POLI: variants seen among roughly 807,000 people sequenced by gnomAD.
The protein encoded by POLI is RAD30 homolog B.
POLI carries 58 observed loss-of-function variants against 51.6 expected under a neutral mutation model. The observed-to-expected ratio is 1.12, with a 90% CI of 0.91 to 1.40. POLI has a LOEUF of 1.40. POLI is among the 40% of genes most tolerant of loss of function. The pLI is 0.00. For missense variants in POLI, 921 were observed against 871.3 expected (o/e 1.06, Z -0.72); for synonymous variants, 322 against 299.7 (o/e 1.07, Z -0.77).
intron 3 of POLI, among the ~76,000 whole-genome samples, chr18:54,277,347 C>G (rs767292391): frequency 1.1e-4 from 16 of 152,098 alleles, no homozygotes; most frequent in Non-Finnish European, 1.9e-4. Context: ...TCCTGAGCAG[C>G]CTATAGTTTA....
Position 54,315,946 on chromosome 18 carries a change from T to C in POLI, c.334-4327T>C, listed in dbSNP as rs190804140. 3.5e-4 allele frequency among the ~76,000 whole-genome samples: 53 copies of C among 152,092 alleles called. 1 individual carries two copies. ...ATTTTTTTTTTTTGAGACAGGGTCT[T>C]CCTTTGTTGCCTAGACTGGAATGCA... is the stretch of plus-strand genomic sequence containing the variant. On this transcript the variant is annotated intron_variant, in intron 3 of 4. Coordinates refer to the POLI transcript ENST00000579823.
At chr18:54,288,196 A>G (rs1037636334) in intron 8 of POLI, among the ~76,000 whole-genome samples, 6 of 152,144 alleles carry the variant, frequency 3.9e-5, no homozygotes, top group Admixed American at 1.3e-4. Context: ...CAATATTTGT[A>G]TTATCAGTCT....
rs1263375549 is a variant in POLI, at chr18:54,297,585, T to G, written c.*3118T>G. 7.2e-6 allele frequency: 7 copies of G among 978,398 alleles called. No homozygotes were observed. The highest frequency in any genetic ancestry group is 7.3e-6 in the Non-Finnish European group (6 of 823,928). 60.6% of individuals were successfully genotyped at this position (978,398 alleles called of 1,614,324 possible). ...TTTTTAATATATTTCTTTTTCTATG[T>G]TGTGCTTCTTTCCCACCTTTATCTC... On this transcript the variant is annotated 3_prime_UTR_variant, in exon 10 of 10. Transcript: ENST00000579534.
chr18:54,280,336 G>C (rs1568125536), intron 4 of POLI, among the ~76,000 whole-genome samples: 1 of 152,134 alleles, frequency 6.6e-6, no homozygotes, highest in African/African-American at 2.4e-5. Flanking sequence ...CAAGGGCTGG[G>C]GGAGGTGCCA....
intron 4 of POLI, among the ~76,000 whole-genome samples, chr18:54,278,736 C>G (rs1402946473): frequency 1.5e-4 from 23 of 152,168 alleles, no homozygotes; most frequent in Admixed American, 1.5e-3. Flanking sequence ...CAGTAAGCAC[C>G]AGTGAATATC....
chr18:54,280,771 G>A lies in POLI; in HGVS notation c.664G>A (p.Ala222Thr), dbSNP rs766626634. ...TAATCAGTTGGGGCTCACTGGCTGT[G>A]CTGGAGTGGCTTCTAATAAACTGTT... ...MYNQLGLTGCAGVASNKLLAK... is the reference protein window; with the variant it reads ...MYNQLGLTGCTGVASNKLLAK... Residue 222 changes from alanine (A) to threonine (T), a missense_variant, in exon 5 of 10, where the codon GCT (alanine) becomes ACT (threonine). By Grantham distance (58) the Ala-to-Thr change is moderately conservative (BLOSUM62 0). Transcript: ENST00000579534. 1 of 1,613,728 alleles carries A rather than the reference G, an allele frequency of 6.2e-7. No homozygotes were observed. Among genetic ancestry groups the A allele is most frequent in the Non-Finnish European group, 8.5e-7 (1 of 1,179,670 alleles).
Position 54,294,662 on chromosome 18 carries a change from T to C in POLI, c.*195T>C. 1 of 1,236,378 alleles carries C rather than the reference T, an allele frequency of 8.1e-7. No individual in the cohort carries two copies. Among genetic ancestry groups the C allele is most frequent in the Non-Finnish European group, 1.0e-6 (1 of 986,264 alleles). The allele number at this position is 1,236,378 out of a possible 1,614,324, so 76.6% of individuals were successfully genotyped here. ...ATATAACAGAAGAAATAATGTAAAA[T>C]ACTATCTTTTATGTCTAAAGCCATT... is the stretch of plus-strand genomic sequence containing the variant. On this transcript the variant is annotated 3_prime_UTR_variant, in exon 10 of 10. Coordinates refer to ENST00000579534, the MANE Select transcript of POLI (RefSeq NM_007195.3).
At chr18:54,277,886 A>G (rs1371081929) in intron 4 of POLI, 31 bp downstream of exon 4, 1 of 1,508,048 alleles carries the variant, frequency 6.6e-7, no homozygotes, top group South Asian at 1.2e-5. Flanking sequence ...TCTACCTACT[A>G]ACCAAAAGTA....
chr18:54,273,842 T>C (rs1266798773), intron 2 of POLI, 84 bp from the exon 3 acceptor site: 1 of 723,940 alleles, frequency 1.4e-6, no homozygotes, highest in African/African-American at 1.8e-5. Context: ...TCTTACAATT[T>C]AGACAAATGT....
chr18:54,295,015 A>G lies in POLI; in HGVS notation c.*548A>G, dbSNP rs1267156261. ...ATGCTTCTTCATACACCAAGAATCT[A>G]CCACAATACACAGCACACAAAGGCC... On this transcript the variant is annotated 3_prime_UTR_variant, in exon 10 of 10. Coordinates refer to ENST00000579534, the MANE Select transcript of POLI (RefSeq NM_007195.3). 1 of 985,212 alleles carries G rather than the reference A, an allele frequency of 1.0e-6. No homozygotes were observed. The highest frequency in any genetic ancestry group is 4.7e-5 in the South Asian group (1 of 21,296). 61.0% of individuals were successfully genotyped at this position (985,212 alleles called of 1,614,324 possible).
chr18:54,292,091 T>C (rs1194247274), intron 9 of POLI, 53 bp downstream of exon 9: 3 of 1,066,866 alleles, frequency 2.8e-6, no homozygotes, highest in Non-Finnish European at 4.2e-6. Flanking sequence ...ATGGGATTTG[T>C]GTGGTTACAT....
chr18:54,270,997 T>C (rs552058194), intron 1 of POLI: 28 of 159,394 alleles, frequency 1.8e-4, no homozygotes, highest in Non-Finnish European at 3.3e-4. Flanking sequence ...ATTTTCAAGC[T>C]GTGTGAAAAT....
At position 54,296,945 on chromosome 18, in the gene POLI, C is replaced by T; in HGVS notation, c.*2478C>T. 1 of 979,500 alleles carries T rather than the reference C, an allele frequency of 1.0e-6. No individual in the cohort carries two copies. Among genetic ancestry groups the T allele is most frequent in the Non-Finnish European group, 1.2e-6 (1 of 824,736 alleles). The allele number at this position is 979,500 out of a possible 1,614,324, so 60.7% of individuals were successfully genotyped here. On this transcript the variant is annotated 3_prime_UTR_variant, in exon 10 of 10. Transcript: ENST00000579534. ...AGGTTATTATTGCATATCATTGTGA[C>T]TTATTTCCTTGAGTATGTGTTAATC... is the stretch of plus-strand genomic sequence containing the variant.
At chr18:54,311,173 C>G in intron 3 of POLI, 3 of 848,904 alleles carry the variant, frequency 3.5e-6, no homozygotes, top group Non-Finnish European at 4.3e-6. Flanking sequence ...AAGTTACTGA[C>G]AATTGTAACC....
intron 2 of POLI, among the ~76,000 whole-genome samples, chr18:54,273,302 C>G (rs866449491): frequency 8.0e-5 from 12 of 150,262 alleles, no homozygotes; most frequent in Non-Finnish European, 1.6e-4. Context: ...TTTTATATTG[C>G]TTTATATTAG....
chr18:54,294,397 A>C lies in POLI; in HGVS notation c.2153A>C (p.Glu718Ala). Residue 718 changes from glutamate to alanine, a missense_variant, in exon 10 of 10, where the codon GAA becomes GCA. Physicochemically the swap from Glu to Ala is moderately radical, Grantham distance 107. Coordinates refer to ENST00000579534, the MANE Select transcript of POLI (RefSeq NM_007195.3). The part of the protein sequence containing the change: ...IDPQVFYELP[E>A]AVQKELLAEW... ...CCTCAAGTTTTCTATGAACTACCAGAAGCAGTACAAAAGGAACTGCTGGCA... is the reference window on the plus strand; with the variant it reads ...CCTCAAGTTTTCTATGAACTACCAGCAGCAGTACAAAAGGAACTGCTGGCA... 6.2e-7 allele frequency: 1 copy of C among 1,613,422 alleles called. No individual in the cohort carries two copies. The highest frequency in any genetic ancestry group is 1.3e-5 in the African/African-American group (1 of 75,032).
At chr18:54,281,752 T>C (rs2087509671) in intron 5 of POLI, among the ~76,000 whole-genome samples, 1 of 151,938 alleles carries the variant, frequency 6.6e-6, no homozygotes, top group African/African-American at 2.4e-5. Flanking sequence ...GTATCTTTTT[T>C]TTTTTTTTTT....
At chr18:54,282,777 A>G in intron 5 of POLI, 60 bp from the exon 6 acceptor site, 1 of 885,800 alleles carries the variant, frequency 1.1e-6, no homozygotes, top group Admixed American at 2.7e-5. Context: ...TAATATTTTA[A>G]TTAGCTTTGT....
rs1397898737 is a variant in POLI, at chr18:54,287,294, G to A, written c.1081G>A (p.Gly361Arg). Residue 361 changes from glycine (G) to arginine (R), a missense_variant, in exon 8 of 10, where the codon GGA becomes AGA. Coordinates refer to ENST00000579534, the MANE Select transcript of POLI (RefSeq NM_007195.3). ...CTTTATTTTTAGAGTATGCCAAGAT[G>A]GAAGGAAGCCTCATACAGTGAGATT... ...ASLLNRVCQD[G>R]RKPHTVRLII... The A allele has an allele frequency of 1.9e-6, 3 of 1,573,928 alleles. No homozygotes were observed. The African/African-American group carries it at 4.0e-5, about 21-fold the overall frequency.
Sources: allele counts gnomAD v4.1 joint callset (sites outside exome capture counted in the v4.1 genomes callset), GRCh38; gene constraint gnomAD v4.1.1; transcripts MANE v1.5; gene names NCBI Gene and HGNC (gene_info 2026-07-23, HGNC 2026-07-21).